Variants in XKR6 observed in about 807,000 individuals in gnomAD.
The protein encoded by XKR6 is XK related 6.
XKR6 carries 22 observed loss-of-function variants against 56.7 expected under a neutral mutation model. That is an observed-to-expected ratio of 0.39 (90% CI 0.28 to 0.55). The LOEUF is 0.55. XKR6 is among the 20% of genes least tolerant of loss of function. XKR6 has a pLI of 0.66. For synonymous variants in XKR6, 524 were observed against 387.8 expected (o/e 1.35, Z -4.13); for missense variants, 852 against 889.0 (o/e 0.96, Z 0.53).
Position 11,014,753 on chromosome 8 carries a change from G to A in XKR6, c.765-89923C>T, listed in dbSNP as rs901661312. On this transcript the variant is annotated intron_variant, in intron 1 of 2. Coordinates refer to ENST00000416569, the MANE Select transcript of XKR6 (RefSeq NM_173683.4). ...AAGACCCAGAAGACCGTGAGAAAAAGCCCTTTTGGGACCTCCGGGTCCCCA... is the reference window on the plus strand; with the variant it reads ...AAGACCCAGAAGACCGTGAGAAAAAACCCTTTTGGGACCTCCGGGTCCCCA... 3.3e-5 allele frequency among the ~76,000 whole-genome samples: 5 copies of A among 152,204 alleles called. 1 individual carries two copies. The highest frequency in any genetic ancestry group is 4.8e-5 in the African/African-American group (2 of 41,514).
intron 1 of XKR6, among the ~76,000 whole-genome samples, chr8:11,003,323 ACC>A (rs2129143660): frequency 6.6e-6 from 1 of 151,964 alleles, no homozygotes; most frequent in African/African-American, 2.4e-5. Flanking sequence ...CACCACCACC[ACC>A]ATCATTATCA....
At chr8:11,094,497 A>T (rs1798206509) in intron 1 of XKR6, among the ~76,000 whole-genome samples, 1 of 152,076 alleles carries the variant, frequency 6.6e-6, no homozygotes, top group African/African-American at 2.4e-5. Flanking sequence ...GCCATTATCT[A>T]CTTTTCATTT....
chr8:11,039,835 G>A (rs1392859936), intron 1 of XKR6, among the ~76,000 whole-genome samples: 2 of 152,226 alleles, frequency 1.3e-5, no homozygotes, highest in South Asian at 2.1e-4. Flanking sequence ...GAAGCAGCCC[G>A]AGCACAGCTC....
intron 1 of XKR6, among the ~76,000 whole-genome samples, chr8:11,001,652 T>C (rs893853281): frequency 1.3e-5 from 2 of 152,196 alleles, no homozygotes; most frequent in African/African-American, 4.8e-5. Flanking sequence ...ATGAGGGTTG[T>C]AGCCGTTGCT....
chr8:11,154,017 G>C (rs1321451213), intron 1 of XKR6, among the ~76,000 whole-genome samples: 2 of 152,188 alleles, frequency 1.3e-5, no homozygotes, highest in African/African-American at 2.4e-5. Flanking sequence ...CCTTTTAAAA[G>C]CCTAGGTGGG....
At chr8:11,130,170 T>C (rs989199843) in intron 1 of XKR6, among the ~76,000 whole-genome samples, 3 of 152,244 alleles carry the variant, frequency 2.0e-5, no homozygotes, top group African/African-American at 7.2e-5. Context: ...CACTATTTTG[T>C]GGCTGGTTGT....
At chr8:10,999,823 C>A (rs1208251521) in intron 1 of XKR6, among the ~76,000 whole-genome samples, 1 of 152,112 alleles carries the variant, frequency 6.6e-6, no homozygotes, top group Non-Finnish European at 1.5e-5. Context: ...CAGCTCCAGG[C>A]CATGATGCAA....
At chr8:11,065,987 G>A (rs926566019) in intron 1 of XKR6, among the ~76,000 whole-genome samples, 1 of 152,234 alleles carries the variant, frequency 6.6e-6, no homozygotes, top group East Asian at 1.9e-4. Flanking sequence ...AAATGGCAAA[G>A]GGGTTGGGGA....
intron 1 of XKR6, among the ~76,000 whole-genome samples, chr8:11,148,562 T>A (rs921469580): frequency 1.3e-5 from 2 of 152,238 alleles, no homozygotes; most frequent in African/African-American, 4.8e-5. Flanking sequence ...CAACTGCAAT[T>A]CTCAGACTGC....
At chr8:11,008,198 A>G (rs1469806183) in intron 1 of XKR6, among the ~76,000 whole-genome samples, 1 of 152,038 alleles carries the variant, frequency 6.6e-6, no homozygotes, top group Non-Finnish European at 1.5e-5. Flanking sequence ...ATGAAGCCCA[A>G]TCTCTCTAGC....
intron 1 of XKR6, among the ~76,000 whole-genome samples, chr8:11,091,261 T>C (rs370436222): frequency 6.6e-6 from 1 of 151,988 alleles, no homozygotes; most frequent in African/African-American, 2.4e-5. Context: ...TGAGACCCCA[T>C]CTCTACAAAA....
intron 1 of XKR6, among the ~76,000 whole-genome samples, chr8:11,072,530 A>T (rs1244104225): frequency 1.3e-5 from 2 of 152,184 alleles, no homozygotes; most frequent in Non-Finnish European, 2.9e-5. Context: ...GACTTGCCCA[A>T]GGTCATGCAT....
chr8:10,968,087 G>A (rs1435140029), intron 1 of XKR6, among the ~76,000 whole-genome samples: 1 of 152,182 alleles, frequency 6.6e-6, no homozygotes, highest in East Asian at 1.9e-4. Context: ...GCCTGTTGCT[G>A]CTCCCCCTGG....
At chr8:11,032,010 C>G (rs1038515780) in intron 1 of XKR6, among the ~76,000 whole-genome samples, 1 of 152,204 alleles carries the variant, frequency 6.6e-6, no homozygotes, top group Admixed American at 6.5e-5. Flanking sequence ...GTGCGTGTCC[C>G]CATTCAGGGC....
intron 1 of XKR6, among the ~76,000 whole-genome samples, chr8:11,074,257 G>A (rs546118233): frequency 1.9e-4 from 29 of 152,316 alleles, no homozygotes; most frequent in African/African-American, 6.5e-4. Context: ...CAGAAGCTGC[G>A]CTCCCTCTGT....
chr8:10,962,192 T>G (rs1442069740), intron 1 of XKR6, among the ~76,000 whole-genome samples: 2 of 152,174 alleles, frequency 1.3e-5, no homozygotes, highest in African/African-American at 4.8e-5. Context: ...AGTAAGAAAA[T>G]GCAAACCATA....
intron 1 of XKR6, among the ~76,000 whole-genome samples, chr8:11,064,531 T>C (rs1050214658): frequency 6.6e-6 from 1 of 152,224 alleles, no homozygotes; most frequent in Non-Finnish European, 1.5e-5. Flanking sequence ...ACCGCAAGAA[T>C]TGTCACTGAC....
chr8:11,062,248 A>C (rs1563111668), intron 1 of XKR6, among the ~76,000 whole-genome samples: 1 of 152,110 alleles, frequency 6.6e-6, no homozygotes, highest in East Asian at 1.9e-4. Context: ...AAACTATCAC[A>C]TGCCAAGAGG....
At chr8:11,038,834 C>G (rs1799213532) in intron 1 of XKR6, among the ~76,000 whole-genome samples, 1 of 152,122 alleles carries the variant, frequency 6.6e-6, no homozygotes, top group South Asian at 2.1e-4. Context: ...AGCCACCGCG[C>G]CTGGCCGACT....
Sources: gnomAD v4.1 joint callset for allele counts (sites outside exome capture counted in the v4.1 genomes callset) on GRCh38, gnomAD v4.1.1 for gene constraint, MANE v1.5 for transcripts, NCBI Gene and HGNC (gene_info 2026-07-23, HGNC 2026-07-21) for gene names.